Variants in UBAP2 observed in about 807,000 individuals in gnomAD.
UBAP2 encodes ubiquitin associated protein 2.
Under a neutral mutation model 139.6 loss-of-function variants are expected in UBAP2, and 75 were observed. The ratio of observed to expected loss-of-function variants is 0.54; its 90% confidence interval spans 0.45 to 0.65. The LOEUF is 0.65. UBAP2 is among the 30% of genes least tolerant of loss of function. The pLI, the probability that UBAP2 is intolerant of heterozygous loss-of-function variation, is 0.00. For synonymous variants in UBAP2, 526 were observed against 526.2 expected, an observed-to-expected ratio of 1.00 and a Z score of 0.01; for missense variants, 1,368 against 1,369.6, an observed-to-expected ratio of 1.00 and a Z score of 0.02.
rs1823164865 is a variant in UBAP2 at position 33,923,832 on chromosome 9, C to T, written c.2759G>A (p.Gly920Asp). ...YSYTGLPYYT[G>D]MPSAFQYGPT... Reference sequence around the variant, plus strand: ...GCCATACTGGAAGGCACTGGGCATGCCTGTGTAGTAGGGAAGACCAGTGTA... The same window carrying T: ...GCCATACTGGAAGGCACTGGGCATGTCTGTGTAGTAGGGAAGACCAGTGTA... Residue 920 changes from glycine to aspartate, a missense_variant, in exon 24 of 29, where the codon GGC (glycine) becomes GAC (aspartate). By Grantham distance (94) the Gly-to-Asp change is moderately conservative. Transcript: ENST00000379238. The T allele has an allele frequency of 4.3e-6, 7 of 1,614,188 alleles. No individual in the cohort carries two copies. Among genetic ancestry groups the T allele is most frequent in the Non-Finnish European group, 5.9e-6 (7 of 1,180,032 alleles).
At chr9:33,937,471 G>A (rs1824656040) in intron 16 of UBAP2, among the ~76,000 whole-genome samples, 1 of 151,766 alleles carries the variant, frequency 6.6e-6, no homozygotes, top group Non-Finnish European at 1.5e-5. Flanking sequence ...GCTAGGTGGG[G>A]TGACACACAC....
intron 19 of UBAP2, chr9:33,928,985 A>G (rs1485192525): frequency 6.6e-6 from 1 of 152,398 alleles, no homozygotes; most frequent in Admixed American, 6.5e-5. Context: ...GAACAGATTC[A>G]CCAAGGTAAA....
At chr9:33,995,013 G>T (rs189976916) in intron 4 of UBAP2, 1 of 152,052 alleles carries the variant, frequency 6.6e-6, no homozygotes, top group Admixed American at 6.6e-5. Flanking sequence ...CCTCTTTTAG[G>T]TGAGTCATTT....
At chr9:34,041,464 C>CA (rs1226126055) in intron 1 of UBAP2, among the ~76,000 whole-genome samples, 38,713 of 82,136 alleles carry the variant, frequency 0.47, 7,307 homozygotes, top group Middle Eastern at 0.57. Flanking sequence ...AACTCCATCT[C>CA]AAAAAAAAAA....
chr9:33,923,906 G>A lies in UBAP2; in HGVS notation c.2685C>T (p.His895=). The A allele has an allele frequency of 6.2e-7, 1 of 1,614,216 alleles. No individual in the cohort carries two copies. ...GATTCACGAAGGGCTGCTGGGCTGT[G>A]TGGTGGGTCTGTGATTGGCTCTGCT... The part of the protein sequence containing the change: ...QPQQSQSQTH[H]TAQQPFVNPA... Residue 895 remains histidine, a synonymous_variant, in exon 24 of 29, where the codon CAC becomes CAT. Coordinates refer to ENST00000379238, the MANE Select transcript of UBAP2 (RefSeq NM_001370062.2).
chr9:33,987,387 G>A (rs1439284094), intron 5 of UBAP2, among the ~76,000 whole-genome samples: 1 of 152,124 alleles, frequency 6.6e-6, no homozygotes, highest in African/African-American at 2.4e-5. Flanking sequence ...ACTCCAGCCT[G>A]GGAAAGTGAG....
At chr9:34,010,721 G>A (rs1292423871) in intron 2 of UBAP2, among the ~76,000 whole-genome samples, 1 of 152,062 alleles carries the variant, frequency 6.6e-6, no homozygotes, top group African/African-American at 2.4e-5. Flanking sequence ...TACAGGCGGC[G>A]GCTTGGGGTG....
intron 6 of UBAP2, among the ~76,000 whole-genome samples, chr9:33,977,786 C>T (rs1820286129): frequency 6.6e-6 from 1 of 151,604 alleles, no homozygotes; most frequent in African/African-American, 2.4e-5. Context: ...CCTCAGTCTC[C>T]CGAGCGGCTG....
intron 8 of UBAP2, among the ~76,000 whole-genome samples, chr9:33,965,061 A>G (rs1827342903): frequency 6.6e-6 from 1 of 152,208 alleles, no homozygotes; most frequent in African/African-American, 2.4e-5. Context: ...GTTCCCTTAT[A>G]AATGCAAATA....
At chr9:33,960,704 T>G (rs1157738218) in intron 10 of UBAP2, 122 bp downstream of exon 10, 3 of 862,366 alleles carry the variant, frequency 3.5e-6, no homozygotes, top group Non-Finnish European at 5.5e-6. Flanking sequence ...TGCTTGAATC[T>G]GGGAGGCAGA....
At chr9:33,994,931 C>T (rs938973506) in intron 4 of UBAP2, 2 of 152,162 alleles carry the variant, frequency 1.3e-5, no homozygotes, top group African/African-American at 4.8e-5. Context: ...TAAATCTGAA[C>T]ACTGACACGG....
rs1017527562 is a variant in UBAP2 at position 33,923,627 on chromosome 9, A to G, written c.2797-149T>C. The G allele has an allele frequency of 1.2e-5, 13 of 1,067,020 alleles. No individual in the cohort carries two copies. The African/African-American group carries it at 2.0e-4, about 17-fold the overall frequency. 66.1% of individuals were successfully genotyped at this position (1,067,020 alleles called of 1,614,324 possible). A position where few individuals can be genotyped will look rare whatever the true frequency, so the allele number is the denominator to read the frequency against. ...TTAGTGCAACACATGCTGGATCTAA[A>G]CACAGCAGGGGAAAAGTGACCTTGT... On this transcript the variant is annotated intron_variant, in intron 24 of 28. Transcript: ENST00000379238.
At chr9:33,962,791 A>C (rs1310632675) in intron 9 of UBAP2, among the ~76,000 whole-genome samples, 1 of 151,708 alleles carries the variant, frequency 6.6e-6, no homozygotes, top group African/African-American at 2.4e-5. Context: ...AGCCTGGCCA[A>C]CATGGTGAAA....
At chr9:33,959,904 A>T (rs1587566277) in intron 10 of UBAP2, among the ~76,000 whole-genome samples, 1 of 149,756 alleles carries the variant, frequency 6.7e-6, no homozygotes, top group South Asian at 2.1e-4. Flanking sequence ...AGATAAGCTT[A>T]AAAAAAAAAT....
At chr9:33,971,604 T>TATA (rs1478155502) in intron 8 of UBAP2, 47 bp downstream of exon 8, 1 of 1,079,018 alleles carries the variant, frequency 9.3e-7, no homozygotes, top group East Asian at 2.4e-5. Context: ...CAACTCTTAA[T>TATA]AGCTCAAACA....
intron 2 of UBAP2, among the ~76,000 whole-genome samples, chr9:34,004,439 G>C (rs544234656): frequency 1.3e-5 from 2 of 151,826 alleles, no homozygotes; most frequent in South Asian, 4.2e-4. Context: ...GAGCCAAGAT[G>C]GCGCCACTGC....
At chr9:33,976,545 T>C (rs576129457) in intron 6 of UBAP2, among the ~76,000 whole-genome samples, 9 of 152,208 alleles carry the variant, frequency 5.9e-5, no homozygotes, top group South Asian at 4.1e-4. Context: ...AATGAAAGAA[T>C]TGGTGAAATG....
chr9:34,034,741 C>A (rs1826178137), intron 1 of UBAP2, among the ~76,000 whole-genome samples: 1 of 152,042 alleles, frequency 6.6e-6, no homozygotes, highest in East Asian at 1.9e-4. Flanking sequence ...GGTGTAGTGG[C>A]ATGAGCCTAT....
intron 20 of UBAP2, among the ~76,000 whole-genome samples, chr9:33,927,340 C>T (rs1234197829): frequency 6.6e-6 from 1 of 152,150 alleles, no homozygotes; most frequent in African/African-American, 2.4e-5. Flanking sequence ...CCTAAGGTCC[C>T]ACTGCACTGA....
Sources: gnomAD v4.1 joint callset for allele counts (sites outside exome capture counted in the v4.1 genomes callset) on GRCh38, gnomAD v4.1.1 for gene constraint, MANE v1.5 for transcripts, NCBI Gene and HGNC (gene_info 2026-07-23, HGNC 2026-07-21) for gene names.